DNHD1: variants seen among roughly 807,000 people sequenced by gnomAD.
The protein encoded by DNHD1 is dynein heavy chain domain 1.
A neutral mutation model predicts 458.1 loss-of-function variants in DNHD1; 383 were observed. The ratio of observed to expected loss-of-function variants is 0.84; its 90% CI spans 0.77 to 0.91. The LOEUF is 0.91. DNHD1 is among the 40% of genes least tolerant of loss of function. The probability of loss-of-function intolerance (pLI) is 0.00; values close to 1 mark genes in which losing one functional copy is unlikely to be tolerated. For missense variants in DNHD1, 5,336 were observed against 5,866.1 expected, an observed-to-expected ratio of 0.91 and a Z score of 2.95; for synonymous variants, 2,203 against 2,376.9, an observed-to-expected ratio of 0.93 and a Z score of 2.13.
chr11:6,563,061 A>C lies in DNHD1; in HGVS notation c.9599A>C (p.Glu3200Ala). 1 of 1,551,726 alleles carries C rather than the reference A, an allele frequency of 6.4e-7. No homozygotes were observed. Among genetic ancestry groups the C allele is most frequent in the Non-Finnish European group, 8.7e-7 (1 of 1,146,998 alleles). Reference protein sequence around the residue: ...KQQLEECRHQENLIENLARQR... With the variant: ...KQQLEECRHQANLIENLARQR... ...CAGCTGGAAGAGTGTCGGCATCAAG[A>C]GAACCTCATTGAGAACCTGGCCAGG... is the stretch of plus-strand genomic sequence containing the variant. The change falls in exon 29 of 43, where the codon GAG becomes GCG. Residue 3200 changes from glutamate (E) to alanine (A), a missense_variant. By Grantham distance (107) the Glu-to-Ala change is moderately radical (BLOSUM62 -1). This residue lies in a region of DNHD1 where 3,932 missense variants were observed against 4,365.6 expected (regional missense o/e 0.90). Coordinates refer to ENST00000254579, the MANE Select transcript of DNHD1 (RefSeq NM_144666.3).
chr11:6,509,796 T>C (rs1247808435), intron 6 of DNHD1, among the ~76,000 whole-genome samples: 4 of 152,292 alleles, frequency 2.6e-5, no homozygotes, highest in African/African-American at 9.6e-5. Context: ...TTAGGTATAT[T>C]CTGTGACAGG....
At chr11:6,559,673 C>T (rs1336931674) in intron 28 of DNHD1, among the ~76,000 whole-genome samples, 1 of 152,194 alleles carries the variant, frequency 6.6e-6, no homozygotes, top group Non-Finnish European at 1.5e-5. Flanking sequence ...GTCCCCATAC[C>T]CTTTCTTCCA....
intron 24 of DNHD1, 168 bp downstream of exon 24, chr11:6,549,101 T>C: frequency 2.8e-6 from 2 of 720,488 alleles, no homozygotes; most frequent in Non-Finnish European, 4.5e-6. Context: ...TCCCATCCAC[T>C]CTCATGGCCT....
At chr11:6,551,844 G>A (rs541465736) in intron 24 of DNHD1, among the ~76,000 whole-genome samples, 2 of 152,036 alleles carry the variant, frequency 1.3e-5, no homozygotes, top group South Asian at 4.2e-4. Context: ...GGGAGGCTGA[G>A]GCAGGAGAAT....
At chr11:6,539,722 C>G (rs916069200) in intron 17 of DNHD1, among the ~76,000 whole-genome samples, 154 bp from the exon 18 acceptor site, 2 of 152,202 alleles carry the variant, frequency 1.3e-5, no homozygotes, top group Admixed American at 6.5e-5. Flanking sequence ...ATCTTTGAAG[C>G]CTGATGGTCC....
intron 7 of DNHD1, 33 bp downstream of exon 7, chr11:6,511,462 C>A (rs1168574323): frequency 6.2e-7 from 1 of 1,605,826 alleles, no homozygotes; most frequent in East Asian, 2.2e-5. Context: ...TGGACCTCTT[C>A]CCCAAGTTGA....
In DNHD1 at chr11:6,546,099, A is replaced by G. The variant is rs750317878; in HGVS notation, c.5160A>G (p.Gln1720=). Residue 1720 remains glutamine (Q), a synonymous_variant, in exon 21 of 43, where the codon CAA becomes CAG. Coordinates refer to ENST00000254579, the MANE Select transcript of DNHD1 (RefSeq NM_144666.3). The part of the protein sequence containing the change: ...MLPCSPQIEA[Q]CLSNYLNGAL... ...CCTGCTCACCTCAGATAGAGGCTCAATGCCTGAGCAACTATCTGAATGGTG... is the reference window on the plus strand; with the variant it reads ...CCTGCTCACCTCAGATAGAGGCTCAGTGCCTGAGCAACTATCTGAATGGTG... 8.4e-6 allele frequency: 13 copies of G among 1,551,558 alleles called. No homozygotes were observed. The highest frequency in any genetic ancestry group is 4.8e-5 in the South Asian group (4 of 84,060).
chr11:6,531,558 G>A (rs994017071), intron 12 of DNHD1, among the ~76,000 whole-genome samples: 1 of 151,972 alleles, frequency 6.6e-6, no homozygotes, highest in African/African-American at 2.4e-5. Flanking sequence ...AAACAAATGT[G>A]GCAGCATTGC....
Position 6,557,889 on chromosome 11 carries a change from G to A in DNHD1, c.8594G>A (p.Cys2865Tyr). ...QLKLSPHLAR[C>Y]HSMAQHVARL... is the part of the protein sequence containing the mutation. Reference sequence around the variant, plus strand: ...AAGTTGAGCCCCCACCTGGCCCGGTGTCATTCCATGGCCCAGCACGTGGCC... The same window carrying A: ...AAGTTGAGCCCCCACCTGGCCCGGTATCATTCCATGGCCCAGCACGTGGCC... The change falls in exon 25 of 43, where the codon TGT becomes TAT. Residue 2865 changes from cysteine (C) to tyrosine (Y), a missense_variant. Around this residue, in one of 4 missense-constraint regions of DNHD1, gnomAD observed 3,932 missense variants for 4,365.6 expected, o/e 0.90. Transcript: ENST00000254579. 6.4e-7 allele frequency: 1 copy of A among 1,551,180 alleles called. No individual in the cohort carries two copies. Among genetic ancestry groups the A allele is most frequent in the Non-Finnish European group, 8.7e-7 (1 of 1,146,982 alleles).
In DNHD1 at chr11:6,557,795, C is replaced by T. The variant is rs1304074747; in HGVS notation, c.8500C>T (p.Pro2834Ser). The T allele has an allele frequency of 3.9e-6, 6 of 1,551,538 alleles. No individual in the cohort carries two copies. Among genetic ancestry groups the T allele is most frequent in the Non-Finnish European group, 4.4e-6 (5 of 1,146,994 alleles). The change falls in exon 25 of 43, where the codon CCC becomes TCC. Residue 2834 changes from proline (P) to serine (S), a missense_variant. Pro to Ser is a moderately conservative substitution (Grantham distance 74). Around this residue, in one of 4 missense-constraint regions of DNHD1, gnomAD observed 3,932 missense variants for 4,365.6 expected, o/e 0.90. Coordinates refer to ENST00000254579, the MANE Select transcript of DNHD1 (RefSeq NM_144666.3). ...GATACTGGGGCCTAACTCTGAGACC[C>T]CCAACTTGTACCTGGAACGACAGTG... ...ELILGPNSET[P>S]NLYLERQWEK...
intron 10 of DNHD1, among the ~76,000 whole-genome samples, chr11:6,525,933 G>A (rs1474793371): frequency 6.6e-6 from 1 of 151,866 alleles, no homozygotes; most frequent in Non-Finnish European, 1.5e-5. Flanking sequence ...TTCTGGGGAA[G>A]GATTGTCAGG....
chr11:6,528,734 GACA>G lies in DNHD1; in HGVS notation c.2056_2058del (p.Asn686del), dbSNP rs1298237084. On this transcript the variant is annotated inframe_deletion, in exon 11 of 43. Transcript: ENST00000254579. ...TTATAAGCAGCTGGAGGAAGACCTG[GACA>G]ACAACCCTAAGATCCAGCAGGCACT... 6.4e-7 allele frequency: 1 copy of G among 1,551,772 alleles called. No homozygotes were observed. The highest frequency in any genetic ancestry group is 8.7e-7 in the Non-Finnish European group (1 of 1,147,012).
intron 4 of DNHD1, 126 bp downstream of exon 4, chr11:6,503,052 A>C (rs1852169620): frequency 3.9e-6 from 4 of 1,024,676 alleles, no homozygotes; most frequent in Admixed American, 3.2e-5. Context: ...TCCTCCTCTG[A>C]CTCTAGTGTC....
intron 10 of DNHD1, among the ~76,000 whole-genome samples, chr11:6,523,357 A>G (rs1852641453): frequency 6.6e-6 from 1 of 152,144 alleles, no homozygotes; most frequent in Admixed American, 6.5e-5. Context: ...TATAGAGGGA[A>G]GCAGTGTGAC....
At chr11:6,507,319 A>C (rs1564995095) in intron 4 of DNHD1, among the ~76,000 whole-genome samples, 1 of 152,212 alleles carries the variant, frequency 6.6e-6, no homozygotes, top group Non-Finnish European at 1.5e-5. Flanking sequence ...GAATGAGTGA[A>C]TATCCTCCAA....
rs7103810 is a variant in DNHD1, at chr11:6,534,135, A to G, written c.2960A>G (p.Asp987Gly). Residue 987 changes from aspartate to glycine, a missense_variant, in exon 14 of 43, where the codon GAC (aspartate) becomes GGC (glycine). By Grantham distance (94) the Asp-to-Gly change is moderately conservative. This residue lies in a region of DNHD1 where 3,932 missense variants were observed against 4,365.6 expected (regional missense o/e 0.90). Coordinates refer to ENST00000254579, the MANE Select transcript of DNHD1 (RefSeq NM_144666.3). ...LERQFQNTVS[D>G]LSELHHAYAI... ...CGTCAGTTCCAGAACACAGTCAGCG[A>G]CCTCAGTGAACTGCACCACGCCTAT... The G allele has an allele frequency of 0.87, 1,349,748 of 1,550,914 alleles. 588,109 individuals carry two copies. The highest frequency in any genetic ancestry group is 0.92 in the Admixed American group (46,823 of 50,980).
Position 6,570,071 on chromosome 11 carries a change from AT to A in DNHD1, c.12927del (p.Arg4311ValfsTer26). 6.2e-7 allele frequency: 1 copy of A among 1,613,732 alleles called. No homozygotes were observed. Among genetic ancestry groups the A allele is most frequent in the Non-Finnish European group, 8.5e-7 (1 of 1,179,818 alleles). ...TQDQLWASLS[N>X]PRAAMQELAA... is the part of the protein sequence containing the mutation. ...GACCAGCTGTGGGCAAGTCTTAGCAATCCCCGTGCTGCCATGCAAGAGCTGG... is the reference window on the plus strand; with the variant it reads ...GACCAGCTGTGGGCAAGTCTTAGCAACCCCGTGCTGCCATGCAAGAGCTGG... On this transcript the variant is annotated frameshift_variant, in exon 40 of 43. Coordinates refer to ENST00000254579, the MANE Select transcript of DNHD1 (RefSeq NM_144666.3). LOFTEE classifies it high-confidence loss of function.
intron 4 of DNHD1, among the ~76,000 whole-genome samples, chr11:6,504,603 C>T (rs1276591734): frequency 2.0e-5 from 3 of 152,172 alleles, no homozygotes; most frequent in Non-Finnish European, 2.9e-5. Flanking sequence ...GCATGTGTCA[C>T]CACACCTGGC....
In DNHD1 at chr11:6,571,476, T is replaced by C; in HGVS notation, c.13911+53T>C. ...GTTCCAGTCCCCTCGAAGTCTCTAATTACACCTCGCAGTTACCCCTTCTTG... is the reference window on the plus strand; with the variant it reads ...GTTCCAGTCCCCTCGAAGTCTCTAACTACACCTCGCAGTTACCCCTTCTTG... On this transcript the variant is annotated intron_variant, in intron 42 of 42. Transcript: ENST00000254579. This position sits in a 1 kb window ranked among gnomAD's most constrained non-coding sequence, Gnocchi z 5.0. The C allele has an allele frequency of 3.3e-6, 5 of 1,498,770 alleles. No individual in the cohort carries two copies. The highest frequency in any genetic ancestry group is 4.5e-6 in the Non-Finnish European group (5 of 1,118,254). 92.8% of individuals were successfully genotyped at this position (1,498,770 alleles called of 1,614,324 possible).
Sources: gnomAD v4.1 joint callset for allele counts (sites outside exome capture counted in the v4.1 genomes callset) on GRCh38, gnomAD v4.1.1 for gene constraint, gnomAD v4.1.1 regional missense constraint, Gnocchi (gnomAD v3.1) non-coding constraint, MANE v1.5 for transcripts, NCBI Gene and HGNC (gene_info 2026-07-23, HGNC 2026-07-21) for gene names.